The following STK36 variants were observed in gnomAD, a reference collection of about 807,000 sequenced individuals.
The protein encoded by STK36 is serine/threonine-protein kinase 36.
In STK36, 116 loss-of-function variants were observed where a neutral mutation model predicts 142.2. That is an observed-to-expected ratio of 0.82 (90% confidence interval 0.70 to 0.95). The LOEUF (loss-of-function observed/expected upper bound fraction) is 0.95. STK36 is among the 40% of genes least tolerant of loss of function. The pLI, the probability that STK36 is intolerant of heterozygous loss-of-function variation, is 0.00. For synonymous variants in STK36, 619 were observed against 641.7 expected (o/e 0.96, Z 0.53); for missense variants, 1,422 against 1,617.2 (o/e 0.88, Z 2.07).
Position 218,680,044 on chromosome 2 carries a change from C to T in STK36, c.1100C>T (p.Ala367Val), listed in dbSNP as rs755949178. The T allele has an allele frequency of 1.4e-5, 22 of 1,614,010 alleles. No individual in the cohort carries two copies. Residue 367 changes from alanine (A) to valine (V), a missense_variant, in exon 9 of 27, where the codon GCT becomes GTT. Physicochemically the swap from Ala to Val is moderately conservative, Grantham distance 64 (BLOSUM62 0). This residue lies in a region of STK36 where 962 missense variants were observed against 1,167.5 expected (regional missense o/e 0.82). Transcript: ENST00000295709. ...ILASELKSSW[A>V]KSGTGEVPSA... is the part of the protein sequence containing the mutation. ...GCCTCAGAATTGAAGAGCAGCTGGG[C>T]TAAATCAGGGACTGGAGAGGTGCCC...
Position 218,697,588 on chromosome 2 carries a change from T to C in STK36, c.2887T>C (p.Phe963Leu). 6.2e-7 allele frequency: 1 copy of C among 1,614,200 alleles called. No homozygotes were observed. Reference sequence around the variant, plus strand: ...CCTGAAGCATCTGCTTTGCCCCAGCTTCCTGAATCAACTGCGCCAGGCGTG... The same window carrying C: ...CCTGAAGCATCTGCTTTGCCCCAGCCTCCTGAATCAACTGCGCCAGGCGTG... Reference protein sequence around the residue: ...SILKHLLCPSFLNQLRQAPHG... With the variant: ...SILKHLLCPSLLNQLRQAPHG... Residue 963 changes from phenylalanine to leucine, a missense_variant, in exon 24 of 27, where the codon TTC (phenylalanine) becomes CTC (leucine). Physicochemically the swap from Phe to Leu is conservative, Grantham distance 22 (BLOSUM62 0). Around this residue, in one of 2 missense-constraint regions of STK36, gnomAD observed 962 missense variants for 1,167.5 expected, o/e 0.82. Transcript: ENST00000295709.
intron 26 of STK36, among the ~76,000 whole-genome samples, chr2:218,700,277 C>T (rs1941395621): frequency 6.6e-6 from 1 of 152,092 alleles, no homozygotes; most frequent in South Asian, 2.1e-4. Context: ...AATCTCAGCT[C>T]ACTGTAACCT....
Position 218,679,868 on chromosome 2 carries a change from C to G in STK36, c.949-25C>G, listed in dbSNP as rs534914688. 9.3e-6 allele frequency: 15 copies of G among 1,608,890 alleles called. No individual in the cohort carries two copies. In the Admixed American group the frequency reaches 1.7e-4, roughly 18 times the overall value. On this transcript the variant is annotated intron_variant, in intron 8 of 26. Transcript: ENST00000295709. ...CTATAGCAATCAAATAGCTCTGATT[C>G]AGTGTTGCCCCCTACCTCCCACAGA...
Position 218,696,467 on chromosome 2 carries a change from G to T in STK36, c.2512-60G>T. 4 of 1,454,696 alleles carry T rather than the reference G, an allele frequency of 2.7e-6. No homozygotes were observed. In the South Asian group the frequency reaches 3.4e-5, roughly 12 times the overall value. 90.1% of individuals were successfully genotyped at this position (1,454,696 alleles called of 1,614,324 possible). On this transcript the variant is annotated intron_variant, in intron 21 of 26. Transcript: ENST00000295709. ...CATGGCACCATCACTGACCTGCCTT[G>T]GTTTAACGGACACCCCATTCCTCTT... is the stretch of plus-strand genomic sequence containing the variant.
At chr2:218,699,379 G>A in intron 26 of STK36, 31 bp downstream of exon 26, 1 of 1,596,828 alleles carries the variant, frequency 6.3e-7, no homozygotes, top group Non-Finnish European at 8.5e-7. Context: ...GAACCATGAT[G>A]ATCAGGGCCC....
chr2:218,682,456 G>T lies in STK36; in HGVS notation c.1236+1754G>T, dbSNP rs551641711. ...TTATGAAAGTCAGAAATTTAACATT[G>T]ATATAATACTGTTATAATAGATTAA... On this transcript the variant is annotated intron_variant, in intron 10 of 26. Transcript: ENST00000295709. 9.9e-5 allele frequency among the ~76,000 whole-genome samples: 15 copies of T among 152,176 alleles called. 1 individual carries two copies. The East Asian group carries it at 2.7e-3, about 27-fold the overall frequency.
Position 218,694,278 on chromosome 2 carries a change from G to T in STK36, c.2351G>T (p.Gly784Val). The change falls in exon 20 of 27, where the codon GGC becomes GTC. Residue 784 changes from glycine to valine, a missense_variant. Gly to Val is a moderately radical substitution (Grantham distance 109). This residue lies in a region of STK36 where 962 missense variants were observed against 1,167.5 expected (regional missense o/e 0.82). Transcript: ENST00000295709. The surrounding 1 kb of genome is among the most constrained non-coding windows in gnomAD (Gnocchi z 4.4). ...QNLPCGMEKL[G>V]SDVATLFTHS... ...CTTTATTCCAGAATGGAGAAGCTAG[G>T]CAGTGACGTTGCTACTCTCTTTACC... is the stretch of plus-strand genomic sequence containing the variant. 6.2e-7 allele frequency: 1 copy of T among 1,614,020 alleles called. No individual in the cohort carries two copies. Among genetic ancestry groups the T allele is most frequent in the South Asian group, 1.1e-5 (1 of 91,080 alleles).
intron 14 of STK36, among the ~76,000 whole-genome samples, chr2:218,690,812 A>G (rs1940970981): frequency 6.6e-6 from 1 of 152,230 alleles, no homozygotes; most frequent in African/African-American, 2.4e-5. Context: ...ATACAAGAGC[A>G]CTGCTGTATT....
intron 24 of STK36, 107 bp from the exon 25 acceptor site, chr2:218,697,747 G>A: frequency 1.3e-6 from 2 of 1,592,068 alleles, no homozygotes; most frequent in Non-Finnish European, 1.7e-6. Flanking sequence ...CCTAAGTAGT[G>A]GCTGAGACTG....
At chr2:218,686,403 G>A (rs920849551) in intron 11 of STK36, among the ~76,000 whole-genome samples, 5 of 151,936 alleles carry the variant, frequency 3.3e-5, no homozygotes, top group East Asian at 1.9e-4. Context: ...GATTACAGGC[G>A]TGCACCACCA....
chr2:218,684,106 C>CTTTTTTTTT (rs35807157), intron 10 of STK36, among the ~76,000 whole-genome samples: 1 of 105,186 alleles, frequency 9.5e-6, no homozygotes, highest in Non-Finnish European at 1.9e-5. Context: ...GCCTCACGAT[C>CTTTTTTTTT]TTTTTTTTTT....
intron 11 of STK36, 92 bp downstream of exon 11, chr2:218,685,320 T>C: frequency 6.5e-7 from 1 of 1,530,646 alleles, no homozygotes; most frequent in Admixed American, 1.8e-5. Flanking sequence ...AGAGAAAGTT[T>C]GTCCTTTTCC....
At chr2:218,681,851 T>C (rs1940535198) in intron 10 of STK36, among the ~76,000 whole-genome samples, 3 of 152,258 alleles carry the variant, frequency 2.0e-5, no homozygotes, top group Admixed American at 2.0e-4. Context: ...CTAACACTGG[T>C]GCAATGGGGA....
intron 6 of STK36, among the ~76,000 whole-genome samples, chr2:218,678,450 A>G (rs149766642): frequency 6.6e-6 from 1 of 152,326 alleles, no homozygotes; most frequent in Non-Finnish European, 1.5e-5. Context: ...GAAGCGGTGC[A>G]CATAGGATAT....
chr2:218,690,503 T>C lies in STK36; in HGVS notation c.1712T>C (p.Leu571Pro). The change falls in exon 14 of 27, where the codon CTG (leucine) becomes CCG (proline). Residue 571 changes from leucine to proline, a missense_variant. Leu to Pro is a moderately conservative substitution (Grantham distance 98). Around this residue, in one of 2 missense-constraint regions of STK36, gnomAD observed 962 missense variants for 1,167.5 expected, o/e 0.82. Transcript: ENST00000295709. ...CTTTTTCTGGACCTGTTGGGGAAAC[T>C]GCTGGCCCAACCAGATGACTCTGAG... ...ANLFLDLLGK[L>P]LAQPDDSEQT... 1 of 1,614,200 alleles carries C rather than the reference T, an allele frequency of 6.2e-7. No individual in the cohort carries two copies. Among genetic ancestry groups the C allele is most frequent in the Non-Finnish European group, 8.5e-7 (1 of 1,180,032 alleles).
At position 218,697,569 on chromosome 2, in the gene STK36, G is replaced by A. The variant is rs374886301; in HGVS notation, c.2868G>A (p.Lys956=). 2.5e-6 allele frequency: 4 copies of A among 1,614,246 alleles called. No individual in the cohort carries two copies. Among genetic ancestry groups the A allele is most frequent in the South Asian group, 1.1e-5 (1 of 91,088 alleles). The change falls in exon 24 of 27, where the codon AAG becomes AAA. Residue 956 remains lysine, a synonymous_variant. Transcript: ENST00000295709. ...QHGSILMSIL[K]HLLCPSFLNQ... is the part of the protein sequence containing the mutation. ...GAAGTATCCTCATGTCCATCCTGAA[G>A]CATCTGCTTTGCCCCAGCTTCCTGA...
chr2:218,688,930 T>C, intron 12 of STK36, 54 bp downstream of exon 12: 1 of 1,496,220 alleles, frequency 6.7e-7, no homozygotes, highest in Non-Finnish European at 8.9e-7. Context: ...TTTTCTTGGA[T>C]TTATCTCATT....
chr2:218,691,359 A>G (rs1234562972), intron 14 of STK36, among the ~76,000 whole-genome samples: 2 of 152,128 alleles, frequency 1.3e-5, no homozygotes, highest in African/African-American at 4.8e-5. Flanking sequence ...TCCTGTTTTA[A>G]TATCCCTCAC....
At chr2:218,698,568 T>G in intron 25 of STK36, 34 bp from the exon 26 acceptor site, 1 of 1,598,554 alleles carries the variant, frequency 6.3e-7, no homozygotes, top group South Asian at 1.1e-5. Flanking sequence ...ATACTCTCTC[T>G]CTCCCTGAAT....
Sources: allele counts gnomAD v4.1 joint callset (sites outside exome capture counted in the v4.1 genomes callset), GRCh38; gene constraint gnomAD v4.1.1; regional missense constraint gnomAD v4.1.1; non-coding constraint Gnocchi (gnomAD v3.1); transcripts MANE v1.5; gene names NCBI Gene and HGNC (gene_info 2026-07-23, HGNC 2026-07-21).